The following GALNT17 variants were observed in gnomAD, a reference collection of about 807,000 sequenced individuals.
The protein encoded by GALNT17 is UDP-GalNAc:polypeptide N-acetylgalactosaminyltransferase-like 3.
Under a neutral mutation model 63.7 loss-of-function variants are expected in GALNT17, and 29 were observed. That is an observed-to-expected ratio of 0.46 (90% CI 0.34 to 0.62). The LOEUF is 0.62. Ranked by LOEUF, GALNT17 falls within the 20% of genes least tolerant of loss-of-function variation. The pLI, the probability that GALNT17 is intolerant of heterozygous loss-of-function variation, is 0.01. For missense variants in GALNT17, 603 were observed against 799.6 expected, an observed-to-expected ratio of 0.75 and a Z score of 2.97; for synonymous variants, 305 against 318.3, an observed-to-expected ratio of 0.96 and a Z score of 0.45.
chr7:71,596,688 G>A (rs1436234425), intron 6 of GALNT17, among the ~76,000 whole-genome samples: 1 of 152,080 alleles, frequency 6.6e-6, no homozygotes, highest in African/African-American at 2.4e-5. Context: ...AGCAAGGTCA[G>A]AGGTTTAGGA....
chr7:71,265,099 TATATATATA>T (rs1562957588), intron 1 of GALNT17, among the ~76,000 whole-genome samples: 2 of 46,026 alleles, frequency 4.3e-5, no homozygotes, highest in Admixed American at 4.1e-4. Context: ...CCATAAATAT[TATATATATA>T]TATATATATA....
At chr7:71,439,659 C>T (rs1335781804) in intron 5 of GALNT17, among the ~76,000 whole-genome samples, 1 of 152,180 alleles carries the variant, frequency 6.6e-6, no homozygotes, top group African/African-American at 2.4e-5. Flanking sequence ...GGAGCAGACA[C>T]ATTTTATTTT....
intron 5 of GALNT17, among the ~76,000 whole-genome samples, chr7:71,560,345 C>T (rs142427125): frequency 0.012 from 1,758 of 152,136 alleles, 12 homozygotes; most frequent in Non-Finnish European, 0.018. Flanking sequence ...TTTTGGCCAC[C>T]GTGGCTTACC....
intron 1 of GALNT17, among the ~76,000 whole-genome samples, chr7:71,299,416 T>C (rs1474524614): frequency 6.6e-6 from 1 of 152,016 alleles, no homozygotes; most frequent in Non-Finnish European, 1.5e-5. Flanking sequence ...ACCTAGGAGG[T>C]GGCAATTATT....
chr7:71,524,334 ATAT>A lies in GALNT17; in HGVS notation c.963-46942_963-46940del, dbSNP rs535698921. On this transcript the variant is annotated intron_variant, in intron 5 of 10. Coordinates refer to ENST00000333538, the MANE Select transcript of GALNT17 (RefSeq NM_022479.3). ...CTATAACTAGTACTATTAACTAGTA[ATAT>A]TATTATTAAATAGTAATATACTATT... Among the ~76,000 whole-genome samples, 178 of 148,996 alleles carry A rather than the reference ATAT, an allele frequency of 1.2e-3. 1 individual carries two copies. Among genetic ancestry groups the A allele is most frequent in the African/African-American group, 4.0e-3 (163 of 40,852 alleles).
At chr7:71,149,444 C>T (rs551155434) in intron 1 of GALNT17, among the ~76,000 whole-genome samples, 3 of 152,060 alleles carry the variant, frequency 2.0e-5, no homozygotes, top group African/African-American at 7.2e-5. Context: ...GAGTCTTGCT[C>T]GGTTGGTGGC....
intron 5 of GALNT17, among the ~76,000 whole-genome samples, chr7:71,500,084 A>C (rs1184549177): frequency 6.6e-6 from 1 of 152,072 alleles, no homozygotes; most frequent in Non-Finnish European, 1.5e-5. Context: ...TTCCTTTGTA[A>C]ATTACCCAGT....
intron 5 of GALNT17, among the ~76,000 whole-genome samples, chr7:71,443,527 C>T (rs1583958047): frequency 6.6e-6 from 1 of 152,152 alleles, no homozygotes; most frequent in Middle Eastern, 3.4e-3. Context: ...TTTAAAAGAG[C>T]ATGGCACTTT....
At chr7:71,236,200 A>C (rs560564020) in intron 1 of GALNT17, among the ~76,000 whole-genome samples, 1 of 151,916 alleles carries the variant, frequency 6.6e-6, no homozygotes, top group African/African-American at 2.4e-5. Flanking sequence ...TAAATAAAAA[A>C]AAAAATAAAA....
At chr7:71,553,615 A>G (rs189826698) in intron 5 of GALNT17, among the ~76,000 whole-genome samples, 1 of 152,308 alleles carries the variant, frequency 6.6e-6, no homozygotes, top group East Asian at 1.9e-4. Flanking sequence ...TTCTACAGTA[A>G]TTTAAAACCT....
chr7:71,399,430 G>A (rs1040171713), intron 3 of GALNT17, among the ~76,000 whole-genome samples: 8 of 152,276 alleles, frequency 5.3e-5, no homozygotes. Flanking sequence ...TTTGGGCATT[G>A]TTAGCTTGGG....
chr7:71,575,535 C>G (rs1789522790), intron 6 of GALNT17, among the ~76,000 whole-genome samples: 1 of 151,980 alleles, frequency 6.6e-6, no homozygotes, highest in African/African-American at 2.4e-5. Context: ...ACTACAGGTG[C>G]CTGCCACCTC....
intron 2 of GALNT17, among the ~76,000 whole-genome samples, chr7:71,350,444 T>G (rs1374684527): frequency 6.6e-6 from 1 of 152,010 alleles, no homozygotes. Flanking sequence ...ATCTGACCCT[T>G]AAAATCCCTG....
intron 2 of GALNT17, among the ~76,000 whole-genome samples, chr7:71,348,552 G>A (rs1459459406): frequency 6.6e-6 from 1 of 152,142 alleles, no homozygotes; most frequent in East Asian, 1.9e-4. Flanking sequence ...TATGCAAATG[G>A]ATCTGCTCTG....
intron 5 of GALNT17, among the ~76,000 whole-genome samples, chr7:71,482,632 TG>T (rs1266945484): frequency 6.6e-6 from 1 of 152,208 alleles, no homozygotes; most frequent in East Asian, 1.9e-4. Flanking sequence ...TGTAGGCAAT[TG>T]TAACACAATG....
chr7:71,374,835 T>A (rs1415685815), intron 2 of GALNT17, among the ~76,000 whole-genome samples: 1 of 18,624 alleles, frequency 5.4e-5, no homozygotes, highest in South Asian at 7.9e-4. Context: ...TTGAGGAGGA[T>A]TTTTTTTTTT....
At chr7:71,320,986 C>T (rs972289051) in intron 1 of GALNT17, among the ~76,000 whole-genome samples, 5 of 152,076 alleles carry the variant, frequency 3.3e-5, no homozygotes, top group Non-Finnish European at 7.4e-5. Flanking sequence ...TTAGCCCCTC[C>T]GATTAGGAAT....
At chr7:71,168,852 A>T (rs566494530) in intron 1 of GALNT17, among the ~76,000 whole-genome samples, 8 of 152,092 alleles carry the variant, frequency 5.3e-5, no homozygotes, top group African/African-American at 9.7e-5. Context: ...GAATTTTGGG[A>T]CCAGTTAATT....
chr7:71,450,998 G>A (rs1177595757), intron 5 of GALNT17, among the ~76,000 whole-genome samples: 2 of 149,036 alleles, frequency 1.3e-5, no homozygotes, highest in African/African-American at 4.9e-5. Flanking sequence ...TGCTACATAT[G>A]TATACATGTG....
Sources: gnomAD v4.1 joint callset for allele counts (sites outside exome capture counted in the v4.1 genomes callset) on GRCh38, gnomAD v4.1.1 for gene constraint, MANE v1.5 for transcripts, NCBI Gene and HGNC (gene_info 2026-07-23, HGNC 2026-07-21) for gene names.